The following TMEM45B variants were observed in gnomAD, a reference collection of about 807,000 sequenced individuals.
The protein encoded by TMEM45B is transmembrane protein 45B.
Under a neutral mutation model 27.3 loss-of-function variants are expected in TMEM45B, and 29 were observed. The ratio of observed to expected loss-of-function variants is 1.06; its 90% CI spans 0.79 to 1.45. The LOEUF (loss-of-function observed/expected upper bound fraction) is 1.45. Among genes scored for constraint, TMEM45B ranks in the 40% most tolerant of loss-of-function variants. TMEM45B has a pLI of 0.00. For synonymous variants in TMEM45B, 143 were observed against 134.7 expected (o/e 1.06, Z -0.43); for missense variants, 348 against 343.9 (o/e 1.01, Z -0.09).
chr11:129,854,934 ATC>A, intron 3 of TMEM45B, 118 bp downstream of exon 3: 3 of 1,237,112 alleles, frequency 2.4e-6, no homozygotes, highest in Non-Finnish European at 3.4e-6. Context: ...GAAAATCCAC[ATC>A]TCTGGACTGC....
At chr11:129,848,514 AG>A (rs1947800908) in intron 1 of TMEM45B, among the ~76,000 whole-genome samples, 3 of 150,512 alleles carry the variant, frequency 2.0e-5, no homozygotes, top group South Asian at 2.1e-4. Context: ...AAAGAGAGGG[AG>A]AGGGAGAGGG....
At chr11:129,827,927 G>A (rs1303935103) in intron 1 of TMEM45B, among the ~76,000 whole-genome samples, 2 of 152,118 alleles carry the variant, frequency 1.3e-5, no homozygotes, top group Non-Finnish European at 2.9e-5. Flanking sequence ...TTGAGATCGT[G>A]CCACCGCCCT....
intron 1 of TMEM45B, among the ~76,000 whole-genome samples, chr11:129,838,534 T>A (rs913182089): frequency 6.6e-6 from 1 of 152,198 alleles, no homozygotes; most frequent in Non-Finnish European, 1.5e-5. Context: ...CAACATCTCA[T>A]GAAAAACCTT....
intron 2 of TMEM45B, among the ~76,000 whole-genome samples, chr11:129,853,752 G>C (rs544292776): frequency 6.6e-6 from 1 of 152,038 alleles, no homozygotes; most frequent in Non-Finnish European, 1.5e-5. Context: ...ACTTTTCCTG[G>C]GTCATTTCCA....
At chr11:129,857,984 A>C (rs2135617151) in intron 5 of TMEM45B, among the ~76,000 whole-genome samples, 1 of 152,246 alleles carries the variant, frequency 6.6e-6, no homozygotes, top group East Asian at 1.9e-4. Context: ...GCTACACTCT[A>C]TTATCCCATT....
chr11:129,822,057 CTT>C (rs1253945453), intron 1 of TMEM45B, among the ~76,000 whole-genome samples: 1 of 151,962 alleles, frequency 6.6e-6, no homozygotes, highest in Non-Finnish European at 1.5e-5. Context: ...GTAATTTTAT[CTT>C]TTTTATTTTA....
intron 1 of TMEM45B, among the ~76,000 whole-genome samples, chr11:129,841,205 C>G (rs1947688281): frequency 6.6e-6 from 1 of 152,140 alleles, no homozygotes; most frequent in Non-Finnish European, 1.5e-5. Context: ...GCCATGAAAA[C>G]TGCCACACAA....
At chr11:129,833,805 C>T (rs1376739814) in intron 1 of TMEM45B, among the ~76,000 whole-genome samples, 1 of 152,158 alleles carries the variant, frequency 6.6e-6, no homozygotes, top group Non-Finnish European at 1.5e-5. Context: ...GACACAGACA[C>T]ACACCGAAAG....
chr11:129,828,656 T>C (rs1947514898), intron 1 of TMEM45B, among the ~76,000 whole-genome samples: 1 of 152,218 alleles, frequency 6.6e-6, no homozygotes, highest in Non-Finnish European at 1.5e-5. Flanking sequence ...TTTGGCTGTA[T>C]TCCAAAGCAA....
intron 1 of TMEM45B, 75 bp from the exon 2 acceptor site, chr11:129,852,399 AT>A: frequency 7.5e-7 from 1 of 1,336,416 alleles, no homozygotes; most frequent in East Asian, 2.3e-5. Context: ...TCAGGCACGT[AT>A]TGTGTTTCCT....
At chr11:129,839,126 G>C (rs1355378593) in intron 1 of TMEM45B, among the ~76,000 whole-genome samples, 1 of 152,160 alleles carries the variant, frequency 6.6e-6, no homozygotes, top group East Asian at 1.9e-4. Context: ...GAGAGCGAGA[G>C]AAGGAAGGAG....
In TMEM45B at chr11:129,858,641, G is replaced by T; in HGVS notation, c.784G>T (p.Asp262Tyr). The T allele has an allele frequency of 6.3e-7, 1 of 1,580,364 alleles. No homozygotes were observed. Among genetic ancestry groups the T allele is most frequent in the South Asian group, 1.2e-5 (1 of 86,104 alleles). Residue 262 changes from aspartate to tyrosine, a missense_variant, in exon 6 of 6, where the codon GAC becomes TAC. Coordinates refer to ENST00000281441, the MANE Select transcript of TMEM45B (RefSeq NM_138788.5). ...IIGIQKLNSD[D>Y]TYQTALLSGS... ...TGGAATTCAGAAGCTGAATTCAGAT[G>T]ACACTTACCAGACCGCCCTCTTGAG...
At chr11:129,818,191 C>T (rs1358438308) in intron 1 of TMEM45B, among the ~76,000 whole-genome samples, 1 of 152,198 alleles carries the variant, frequency 6.6e-6, no homozygotes, top group South Asian at 2.1e-4. Flanking sequence ...GAAACAAACA[C>T]AAATAGACTA....
At chr11:129,854,387 T>TA (rs1947890266) in intron 2 of TMEM45B, among the ~76,000 whole-genome samples, 1 of 152,090 alleles carries the variant, frequency 6.6e-6, no homozygotes, top group African/African-American at 2.4e-5. Flanking sequence ...CCCAAACCCC[T>TA]AAAAGGAACA....
At chr11:129,837,803 A>T (rs1947643052) in intron 1 of TMEM45B, among the ~76,000 whole-genome samples, 3 of 82,170 alleles carry the variant, frequency 3.7e-5, no homozygotes, top group East Asian at 4.0e-4. Flanking sequence ...TTTTTTTGAG[A>T]CTAAGTCTTG....
intron 1 of TMEM45B, among the ~76,000 whole-genome samples, chr11:129,831,178 A>T (rs762468049): frequency 2.0e-5 from 3 of 152,226 alleles, no homozygotes; most frequent in Non-Finnish European, 4.4e-5. Context: ...AATTTCATGG[A>T]TGAAGATTCA....
intron 1 of TMEM45B, among the ~76,000 whole-genome samples, chr11:129,839,833 C>A (rs73031490): frequency 0.14 from 21,005 of 152,174 alleles, 1,570 homozygotes; most frequent in South Asian, 0.28. Context: ...CTGCACCTGA[C>A]CTAAAAGCAC....
intron 1 of TMEM45B, among the ~76,000 whole-genome samples, chr11:129,842,596 A>T (rs1947709237): frequency 6.6e-6 from 1 of 152,222 alleles, no homozygotes; most frequent in Admixed American, 6.5e-5. Context: ...ACATGCAAAA[A>T]AAAATAAGGA....
chr11:129,823,386 A>T (rs1251244580), intron 1 of TMEM45B, among the ~76,000 whole-genome samples: 1 of 152,112 alleles, frequency 6.6e-6, no homozygotes, highest in Non-Finnish European at 1.5e-5. Flanking sequence ...AAGCCTGCCC[A>T]TTAGACCCTG....
Sources: allele counts gnomAD v4.1 joint callset (sites outside exome capture counted in the v4.1 genomes callset), GRCh38; gene constraint gnomAD v4.1.1; transcripts MANE v1.5; gene names NCBI Gene and HGNC (gene_info 2026-07-23, HGNC 2026-07-21).